The following GUCY1A2 variants were observed in gnomAD, a reference collection of about 807,000 sequenced individuals.
The protein encoded by GUCY1A2 is guanylate cyclase 1 soluble subunit alpha 2.
GUCY1A2 carries 27 observed loss-of-function variants against 63.5 expected under a neutral mutation model. That is an observed-to-expected ratio of 0.43 (90% CI 0.31 to 0.59). The LOEUF is 0.59. Ranked by LOEUF, GUCY1A2 falls within the 20% of genes least tolerant of loss-of-function variation. The pLI is 0.11. For missense variants in GUCY1A2, 768 were observed against 913.3 expected, an observed-to-expected ratio of 0.84 and a Z score of 2.05; for synonymous variants, 364 against 343.5, an observed-to-expected ratio of 1.06 and a Z score of -0.66.
intron 7 of GUCY1A2, among the ~76,000 whole-genome samples, chr11:106,694,729 G>A (rs945208281): frequency 3.9e-5 from 6 of 152,234 alleles, no homozygotes; most frequent in Admixed American, 6.5e-5. Flanking sequence ...CTGTGGCCAC[G>A]GCTCCTGACC....
chr11:106,884,431 A>G (rs1859870656), intron 4 of GUCY1A2, among the ~76,000 whole-genome samples: 1 of 152,194 alleles, frequency 6.6e-6, no homozygotes, highest in Non-Finnish European at 1.5e-5. Flanking sequence ...CAGCGAAAAT[A>G]GCACGTACAA....
chr11:106,724,326 A>G (rs1863367051), intron 6 of GUCY1A2, among the ~76,000 whole-genome samples: 1 of 152,268 alleles, frequency 6.6e-6, no homozygotes, highest in Non-Finnish European at 1.5e-5. Context: ...TAAAAGGAAG[A>G]AGAGTACTAT....
chr11:106,970,074 T>C (rs558264675), intron 3 of GUCY1A2, among the ~76,000 whole-genome samples: 3 of 152,302 alleles, frequency 2.0e-5, no homozygotes, highest in Non-Finnish European at 4.4e-5. Flanking sequence ...AAAGGAGCTT[T>C]AGTTAAGTGA....
intron 4 of GUCY1A2, among the ~76,000 whole-genome samples, chr11:106,854,613 A>G (rs1276554907): frequency 2.0e-5 from 3 of 152,148 alleles, no homozygotes; most frequent in African/African-American, 7.2e-5. Context: ...ACAAGCATCA[A>G]CAGTGGCGAT....
intron 4 of GUCY1A2, among the ~76,000 whole-genome samples, chr11:106,814,433 G>C (rs994655870): frequency 1.3e-5 from 2 of 152,064 alleles, no homozygotes; most frequent in Non-Finnish European, 2.9e-5. Context: ...TGCCCAGTCT[G>C]AGAAGCTTCC....
chr11:106,714,858 G>C (rs1863188026), intron 6 of GUCY1A2, among the ~76,000 whole-genome samples: 1 of 152,160 alleles, frequency 6.6e-6, no homozygotes, highest in African/African-American at 2.4e-5. Flanking sequence ...TGCCAAGACT[G>C]AGAAACTCTG....
At chr11:106,829,060 A>C (rs770108985) in intron 4 of GUCY1A2, among the ~76,000 whole-genome samples, 2 of 152,228 alleles carry the variant, frequency 1.3e-5, no homozygotes, top group South Asian at 4.1e-4. Context: ...TGCTCTGGGC[A>C]TATCCTTAAT....
intron 3 of GUCY1A2, among the ~76,000 whole-genome samples, chr11:106,975,028 C>G (rs1861244743): frequency 6.6e-6 from 1 of 152,138 alleles, no homozygotes; most frequent in Admixed American, 6.6e-5. Flanking sequence ...ACTCCCCCAT[C>G]TGGTAGCTCC....
At chr11:106,986,264 T>G in intron 1 of GUCY1A2, 133 bp from the exon 2 acceptor site, 1 of 523,528 alleles carries the variant, frequency 1.9e-6, no homozygotes, top group South Asian at 3.2e-5. Flanking sequence ...ATTAACCCAT[T>G]TTGCATCATG....
intron 4 of GUCY1A2, among the ~76,000 whole-genome samples, chr11:106,923,411 C>T (rs995497844): frequency 1.3e-5 from 2 of 152,170 alleles, no homozygotes; most frequent in Non-Finnish European, 2.9e-5. Context: ...GAACAAAACT[C>T]TACATGTCTG....
chr11:106,884,479 A>G (rs1008224961), intron 4 of GUCY1A2, among the ~76,000 whole-genome samples: 13 of 152,090 alleles, frequency 8.5e-5, no homozygotes, highest in African/African-American at 3.1e-4. Flanking sequence ...GAAGAATGCT[A>G]GGAAGTTTGA....
intron 6 of GUCY1A2, among the ~76,000 whole-genome samples, chr11:106,731,403 C>G (rs1280823051): frequency 6.6e-6 from 1 of 152,074 alleles, no homozygotes; most frequent in Non-Finnish European, 1.5e-5. Flanking sequence ...ATAAGAGCCA[C>G]CTATGACAAA....
chr11:106,862,655 C>T (rs562192255), intron 4 of GUCY1A2, among the ~76,000 whole-genome samples: 38 of 152,042 alleles, frequency 2.5e-4, no homozygotes, highest in Non-Finnish European at 4.0e-4. Flanking sequence ...TATACTGAAC[C>T]GTTTTTGCTA....
chr11:106,777,674 C>A (rs77814656), intron 5 of GUCY1A2, among the ~76,000 whole-genome samples: 1 of 64,764 alleles, frequency 1.5e-5, no homozygotes, highest in Admixed American at 2.5e-4. Flanking sequence ...ATGCTGGGGC[C>A]TGTCGGGGGG....
Position 106,676,132 on chromosome 11 carries a change from C to A in GUCY1A2, c.*11417G>T. On this transcript the variant is annotated 3_prime_UTR_variant, in exon 8 of 8. Transcript: ENST00000526355. ...AATCTTAATACATAAAAATAAAAAACCAGAAAGAATACAATTTTAAGTTTG... is the reference window on the plus strand; with the variant it reads ...AATCTTAATACATAAAAATAAAAAAACAGAAAGAATACAATTTTAAGTTTG... 5.5e-6 allele frequency: 1 copy of A among 180,454 alleles called. No individual in the cohort carries two copies. Among genetic ancestry groups the A allele is most frequent in the Non-Finnish European group, 1.2e-5 (1 of 84,480 alleles). 11.2% of individuals were successfully genotyped at this position (180,454 alleles called of 1,614,324 possible).
At chr11:106,813,275 G>T (rs1858788577) in intron 4 of GUCY1A2, among the ~76,000 whole-genome samples, 1 of 151,890 alleles carries the variant, frequency 6.6e-6, no homozygotes, top group African/African-American at 2.4e-5. Context: ...GGAGTATTTT[G>T]CTCTGAGCTA....
At chr11:106,900,461 A>G (rs988863818) in intron 4 of GUCY1A2, among the ~76,000 whole-genome samples, 3 of 152,212 alleles carry the variant, frequency 2.0e-5, no homozygotes, top group Non-Finnish European at 4.4e-5. Flanking sequence ...CCCAGCCACA[A>G]AACAAACATA....
intron 4 of GUCY1A2, among the ~76,000 whole-genome samples, chr11:106,839,525 A>C (rs1475535681): frequency 6.6e-6 from 1 of 152,042 alleles, no homozygotes; most frequent in African/African-American, 2.4e-5. Context: ...ACCCAAAGGA[A>C]TATAAATCAC....
At chr11:106,692,306 C>T (rs193058996) in intron 7 of GUCY1A2, among the ~76,000 whole-genome samples, 6 of 152,284 alleles carry the variant, frequency 3.9e-5, no homozygotes, top group Admixed American at 1.3e-4. Context: ...TTGGAAATCA[C>T]ACAAATCCTA....
Sources: allele counts gnomAD v4.1 joint callset (sites outside exome capture counted in the v4.1 genomes callset), GRCh38; gene constraint gnomAD v4.1.1; transcripts MANE v1.5; gene names NCBI Gene and HGNC (gene_info 2026-07-23, HGNC 2026-07-21).